MBD5: variants seen among roughly 807,000 people sequenced by gnomAD.
The protein encoded by MBD5 is methyl-CpG-binding domain protein 5.
In MBD5, 13 loss-of-function variants were observed where a neutral mutation model predicts 117.3. The ratio of observed to expected loss-of-function variants is 0.11; its 90% CI spans 0.07 to 0.18. MBD5 has a LOEUF of 0.18. MBD5 is among the 10% of genes least tolerant of loss of function. The pLI, the probability that MBD5 is intolerant of heterozygous loss-of-function variation, is 1.00. For synonymous variants in MBD5, 727 were observed against 766.4 expected (o/e 0.95, Z 0.85); for missense variants, 1,879 against 2,093.8 (o/e 0.90, Z 2.00).
chr2:148,499,085 G>A (rs1454878711), intron 11 of MBD5, among the ~76,000 whole-genome samples: 2 of 152,102 alleles, frequency 1.3e-5, no homozygotes, highest in Non-Finnish European at 2.9e-5. Flanking sequence ...TTGAGCCCAG[G>A]AGTTTGAGAT....
intron 3 of MBD5, among the ~76,000 whole-genome samples, chr2:148,281,141 G>T (rs1305110475): frequency 1.3e-5 from 2 of 152,154 alleles, no homozygotes; most frequent in Admixed American, 1.3e-4. Flanking sequence ...TAGTACTGGG[G>T]ATATCTTAGA....
chr2:148,352,241 C>T (rs1396466323), intron 4 of MBD5, among the ~76,000 whole-genome samples: 3 of 152,070 alleles, frequency 2.0e-5, no homozygotes, highest in Non-Finnish European at 4.4e-5. Context: ...ACCCCACCTC[C>T]TTGCCACCAA....
At chr2:148,099,336 T>G (rs1375725853) in intron 1 of MBD5, among the ~76,000 whole-genome samples, 1 of 152,166 alleles carries the variant, frequency 6.6e-6, no homozygotes, top group Non-Finnish European at 1.5e-5. Context: ...ATACATCTTA[T>G]AGAATACTTT....
chr2:148,247,388 C>CT (rs934924985), intron 3 of MBD5, among the ~76,000 whole-genome samples: 13 of 152,264 alleles, frequency 8.5e-5, no homozygotes, highest in African/African-American at 2.9e-4. Flanking sequence ...CATTGGCAAT[C>CT]TTTTTTTCAC....
rs752343764 is a variant in MBD5 at position 148,065,399 on chromosome 2, A to AGTT, written c.-925+43716_-925+43718dup. Among the ~76,000 whole-genome samples the AGTT allele has an allele frequency of 3.2e-4, 48 of 152,266 alleles. 1 individual carries two copies. Among genetic ancestry groups the AGTT allele is most frequent in the South Asian group, 2.1e-3 (10 of 4,820 alleles). On this transcript the variant is annotated intron_variant, in intron 1 of 13. Transcript: ENST00000642680. ...GTAGACCTGTGTGAACCATAGGTTC[A>AGTT]GTTAAGAGAGCAAACCCATGAGTTT...
chr2:148,153,894 C>T (rs1288076620), intron 1 of MBD5, among the ~76,000 whole-genome samples: 22 of 101,816 alleles, frequency 2.2e-4, no homozygotes, highest in African/African-American at 6.7e-4. Flanking sequence ...AATGTCCTCC[C>T]GTAGCTCAGA....
chr2:148,300,934 T>G (rs1701765528), intron 3 of MBD5, among the ~76,000 whole-genome samples: 1 of 152,248 alleles, frequency 6.6e-6, no homozygotes, highest in Admixed American at 6.5e-5. Flanking sequence ...ACAGTAGCAT[T>G]GCATGCTGCA....
intron 2 of MBD5, among the ~76,000 whole-genome samples, chr2:148,199,878 G>A (rs930568277): frequency 2.0e-5 from 3 of 152,074 alleles, no homozygotes; most frequent in Non-Finnish European, 4.4e-5. Context: ...ATCATATGCG[G>A]TATACAAAGT....
intron 1 of MBD5, among the ~76,000 whole-genome samples, chr2:148,125,967 A>C (rs1026836200): frequency 2.0e-5 from 3 of 152,208 alleles, no homozygotes; most frequent in Non-Finnish European, 2.9e-5. Context: ...GGAAATGAAA[A>C]ATACATTGGT....
intron 4 of MBD5, among the ~76,000 whole-genome samples, chr2:148,363,893 G>T (rs1234017854): frequency 6.6e-6 from 1 of 152,170 alleles, no homozygotes; most frequent in African/African-American, 2.4e-5. Flanking sequence ...AAGTGACGGG[G>T]AGAATGGAAC....
rs572524096 is a variant in MBD5 at position 148,456,881 on chromosome 2, T to C, written c.-556-1322T>C. Among the ~76,000 whole-genome samples, 4 of 152,248 alleles carry C rather than the reference T, an allele frequency of 2.6e-5. No homozygotes were observed. In the East Asian group the frequency reaches 7.7e-4, roughly 29 times the overall value. On this transcript the variant is annotated intron_variant, in intron 4 of 13. Coordinates refer to ENST00000642680, the MANE Select transcript of MBD5 (RefSeq NM_001378120.1). ...CAGAGCCAAGGCTGCAAATAAGGCA[T>C]ATACCTGAATATACGATGGCCTTTA...
chr2:148,237,932 TA>T (rs891366098), intron 3 of MBD5, among the ~76,000 whole-genome samples: 11 of 152,180 alleles, frequency 7.2e-5, no homozygotes, highest in Non-Finnish European at 1.0e-4. Flanking sequence ...TGTATATCTT[TA>T]AAATTTGAGT....
At chr2:148,326,421 A>G (rs1702453942) in intron 3 of MBD5, among the ~76,000 whole-genome samples, 1 of 152,064 alleles carries the variant, frequency 6.6e-6, no homozygotes, top group South Asian at 2.1e-4. Flanking sequence ...GATCTGTCTA[A>G]TGTTGACAGT....
intron 4 of MBD5, among the ~76,000 whole-genome samples, chr2:148,416,239 C>G (rs890294346): frequency 6.6e-6 from 1 of 152,206 alleles, no homozygotes; most frequent in African/African-American, 2.4e-5. Context: ...AGGCTCAGCT[C>G]AGCACTCATG....
At chr2:148,108,367 C>T (rs1335978571) in intron 1 of MBD5, among the ~76,000 whole-genome samples, 1 of 151,842 alleles carries the variant, frequency 6.6e-6, no homozygotes, top group Non-Finnish European at 1.5e-5. Flanking sequence ...GAAGATTAAA[C>T]GAGTTGATAT....
chr2:148,046,420 T>A (rs1010429585), intron 1 of MBD5, among the ~76,000 whole-genome samples: 1 of 152,178 alleles, frequency 6.6e-6, no homozygotes, highest in Non-Finnish European at 1.5e-5. Context: ...GACTGAGTGG[T>A]TAGCAGTATA....
chr2:148,237,905 T>A (rs903635999), intron 3 of MBD5, among the ~76,000 whole-genome samples: 8 of 152,146 alleles, frequency 5.3e-5, no homozygotes, highest in Non-Finnish European at 7.3e-5. Context: ...AATTGTTGAT[T>A]TTTTTCACCC....
Position 148,479,617 on chromosome 2 carries a change from C to T in MBD5, c.2519-3493C>T, listed in dbSNP as rs542197480. 1.4e-4 allele frequency among the ~76,000 whole-genome samples: 22 copies of T among 152,054 alleles called. No individual in the cohort carries two copies. In the South Asian group the frequency reaches 3.7e-3, roughly 26 times the overall value. On this transcript the variant is annotated intron_variant, in intron 8 of 13. Transcript: ENST00000642680. ...AGGTTCAACCATGGGTAGGAGGAGC[C>T]GGAAGCATAGGGAAACCTCACAATA...
At chr2:148,430,418 GTTT>G (rs1705949223) in intron 4 of MBD5, among the ~76,000 whole-genome samples, 1 of 151,942 alleles carries the variant, frequency 6.6e-6, no homozygotes, top group African/African-American at 2.4e-5. Context: ...TTCATATGTT[GTTT>G]TTTTAAAAAA....
Sources: allele counts gnomAD v4.1 joint callset (sites outside exome capture counted in the v4.1 genomes callset), GRCh38; gene constraint gnomAD v4.1.1; transcripts MANE v1.5; gene names NCBI Gene and HGNC (gene_info 2026-07-23, HGNC 2026-07-21).